Variants in WDHD1 observed in about 807,000 individuals in gnomAD.
WDHD1 encodes WD repeat and HMG-box DNA-binding protein 1.
Under a neutral mutation model 135.4 loss-of-function variants are expected in WDHD1, and 111 were observed. The observed-to-expected ratio is 0.82, with a 90% CI of 0.70 to 0.96. The LOEUF (loss-of-function observed/expected upper bound fraction) is 0.96, where lower values mean the gene tolerates loss of function less well. Among genes scored for constraint, WDHD1 ranks in the 40% least tolerant of loss-of-function variants. The pLI is 0.00. For synonymous variants in WDHD1, 434 were observed against 439.0 expected (o/e 0.99, Z 0.14); for missense variants, 1,351 against 1,336.3 (o/e 1.01, Z -0.17).
chr14:54,941,574 C>T lies in WDHD1; in HGVS notation c.3306G>A (p.Glu1102=), dbSNP rs762595451. The part of the protein sequence containing the change: ...ETENQEEKAK[E]NLNLSKKQKP... ...TCTGCTTTTTAGACAAATTCAGGTT[C>T]TCTTTTGCTTTTTCTTCCTGGTTTT... is the stretch of plus-strand genomic sequence containing the variant. Residue 1102 remains glutamate, a synonymous_variant, in exon 26 of 26, where the codon GAG becomes GAA. Coordinates refer to ENST00000360586, the MANE Select transcript of WDHD1 (RefSeq NM_007086.4). 1 of 1,613,930 alleles carries T rather than the reference C, an allele frequency of 6.2e-7. No homozygotes were observed. The highest frequency in any genetic ancestry group is 1.7e-5 in the Admixed American group (1 of 60,006).
intron 16 of WDHD1, among the ~76,000 whole-genome samples, chr14:54,974,496 T>G (rs571225067): frequency 4.3e-4 from 63 of 147,268 alleles, no homozygotes; most frequent in African/African-American, 1.1e-3. Flanking sequence ...TTGTTTTGTT[T>G]TTTTTTTTTT....
At chr14:54,997,527 T>A (rs17128117) in intron 10 of WDHD1, among the ~76,000 whole-genome samples, 1 of 152,116 alleles carries the variant, frequency 6.6e-6, no homozygotes, top group Middle Eastern at 3.2e-3. Context: ...AATAACTAAG[T>A]GCTATAAGAA....
At chr14:54,988,276 C>T (rs1315763852) in intron 13 of WDHD1, among the ~76,000 whole-genome samples, 1 of 151,354 alleles carries the variant, frequency 6.6e-6, no homozygotes, top group Non-Finnish European at 1.5e-5. Flanking sequence ...TTTAATCCAT[C>T]ATGACAAAAA....
Position 54,991,317 on chromosome 14 carries a change from G to C in WDHD1, c.1237C>G (p.Leu413Val). Residue 413 changes from leucine (L) to valine (V), a missense_variant, in exon 12 of 26, where the codon CTT becomes GTT. This residue lies in a region of WDHD1 where 1,330 missense variants were observed against 1,296.1 expected (regional missense o/e 1.03). Transcript: ENST00000360586. ...GQEGSIHNLP[L>V]VTSQRPFYDG... Reference sequence around the variant, plus strand: ...TAAAATGGCCTTTGGGATGTTACAAGTGGTAGATTGTGAATGCTGCCTTCT... The same window carrying C: ...TAAAATGGCCTTTGGGATGTTACAACTGGTAGATTGTGAATGCTGCCTTCT... 1 of 1,614,122 alleles carries C rather than the reference G, an allele frequency of 6.2e-7. No homozygotes were observed. Among genetic ancestry groups the C allele is most frequent in the Non-Finnish European group, 8.5e-7 (1 of 1,179,968 alleles).
intron 24 of WDHD1, among the ~76,000 whole-genome samples, chr14:54,951,125 G>A (rs1275030589): frequency 1.3e-5 from 2 of 152,094 alleles, no homozygotes; most frequent in Non-Finnish European, 2.9e-5. Context: ...AAAGCTAGCA[G>A]AAGGCAAGAA....
At chr14:54,975,451 G>T (rs893778594) in intron 16 of WDHD1, among the ~76,000 whole-genome samples, 1 of 151,884 alleles carries the variant, frequency 6.6e-6, no homozygotes, top group Non-Finnish European at 1.5e-5. Context: ...AGGTTGAAGC[G>T]ATTCTCTTGC....
intron 10 of WDHD1, among the ~76,000 whole-genome samples, chr14:54,999,441 C>T (rs2041943697): frequency 6.6e-6 from 1 of 152,194 alleles, no homozygotes; most frequent in Non-Finnish European, 1.5e-5. Flanking sequence ...TTCAGCCCCA[C>T]TTCTAGAAGC....
At chr14:54,992,191 C>G (rs998872405) in intron 11 of WDHD1, among the ~76,000 whole-genome samples, 11 of 149,892 alleles carry the variant, frequency 7.3e-5, no homozygotes, top group African/African-American at 2.7e-4. Flanking sequence ...CCGGGAGACT[C>G]CGTCTCAAAA....
intron 11 of WDHD1, among the ~76,000 whole-genome samples, chr14:54,992,318 C>A (rs949968816): frequency 6.6e-6 from 1 of 151,848 alleles, no homozygotes; most frequent in Admixed American, 6.6e-5. Context: ...TAGTGAAACC[C>A]CGTCTCTACT....
At chr14:54,984,137 C>T (rs1007174330) in intron 15 of WDHD1, among the ~76,000 whole-genome samples, 3 of 152,184 alleles carry the variant, frequency 2.0e-5, no homozygotes, top group Admixed American at 2.0e-4. Context: ...CACCTCCTTG[C>T]TATTTAATAC....
Position 54,984,863 on chromosome 14 carries a change from A to C in WDHD1, c.1769-3T>G. 2 of 1,607,942 alleles carry C rather than the reference A, an allele frequency of 1.2e-6. No individual in the cohort carries two copies. The highest frequency in any genetic ancestry group is 1.7e-6 in the Non-Finnish European group (2 of 1,178,310). ...CTGATCCCCATCAAATCCTGTACCTAATGAGAAAATGTAAATATAAATCAG... is the reference window on the plus strand; with the variant it reads ...CTGATCCCCATCAAATCCTGTACCTCATGAGAAAATGTAAATATAAATCAG... On this transcript the variant is annotated splice_region_variant and splice_polypyrimidine_tract_variant and intron_variant, in intron 14 of 25. Transcript: ENST00000360586.
At chr14:54,965,344 A>C (rs866840997) in intron 18 of WDHD1, among the ~76,000 whole-genome samples, 2 of 152,298 alleles carry the variant, frequency 1.3e-5, no homozygotes, top group South Asian at 2.1e-4. Context: ...TCCAAAGATA[A>C]ATGTACTTAA....
At chr14:54,944,616 CTT>C (rs780376690) in intron 24 of WDHD1, 146 bp from the exon 25 acceptor site, 16,931 of 266,530 alleles carry the variant, frequency 0.064, 151 homozygotes, top group African/African-American at 0.14. Flanking sequence ...ATTCATGTTA[CTT>C]TTTTTTTTTT....
rs141843920 is a variant in WDHD1, at chr14:54,957,112, G to T, written c.2838C>A (p.Ser946=). Residue 946 remains serine (S), a synonymous_variant, in exon 23 of 26, where the codon TCC becomes TCA. Coordinates refer to ENST00000360586, the MANE Select transcript of WDHD1 (RefSeq NM_007086.4). The part of the protein sequence containing the change: ...LDNMGKSSKK[S]TALSRTTNNE... ...TATTTGTAGTTCGACTAAGTGCAGTGGATTTCTTGGATGATTTGCCCATAT... is the reference window on the plus strand; with the variant it reads ...TATTTGTAGTTCGACTAAGTGCAGTTGATTTCTTGGATGATTTGCCCATAT... 12 of 1,614,092 alleles carry T rather than the reference G, an allele frequency of 7.4e-6. No individual in the cohort carries two copies. The highest frequency in any genetic ancestry group is 9.3e-6 in the Non-Finnish European group (11 of 1,180,010).
intron 9 of WDHD1, 37 bp downstream of exon 9, chr14:55,000,849 T>A (rs2041968629): frequency 2.8e-6 from 4 of 1,409,576 alleles, no homozygotes; most frequent in Non-Finnish European, 3.8e-6. Context: ...CTAATAGAGA[T>A]GAGCAAAGAA....
chr14:54,970,621 CAAAA>C (rs202021020), intron 16 of WDHD1, among the ~76,000 whole-genome samples: 4 of 130,644 alleles, frequency 3.1e-5, no homozygotes, highest in Non-Finnish European at 3.3e-5. Flanking sequence ...GTCACAGCAC[CAAAA>C]AAAAAAAAAA....
intron 7 of WDHD1, among the ~76,000 whole-genome samples, chr14:55,006,181 A>T (rs984553192): frequency 6.6e-6 from 1 of 152,156 alleles, no homozygotes; most frequent in South Asian, 2.1e-4. Flanking sequence ...TTATATGTGA[A>T]TGTTATCAAA....
chr14:54,976,586 C>T (rs1236279878), intron 16 of WDHD1, among the ~76,000 whole-genome samples: 1 of 152,106 alleles, frequency 6.6e-6, no homozygotes, highest in African/African-American at 2.4e-5. Context: ...TTTTATTCCC[C>T]GAACTTCCAT....
chr14:54,992,040 G>A (rs1042087224), intron 11 of WDHD1, among the ~76,000 whole-genome samples: 1 of 152,144 alleles, frequency 6.6e-6, no homozygotes, highest in Admixed American at 6.5e-5. Flanking sequence ...GATCACTTAA[G>A]GTCGGGAGTT....
Sources: gnomAD v4.1 joint callset for allele counts (sites outside exome capture counted in the v4.1 genomes callset) on GRCh38, gnomAD v4.1.1 for gene constraint, gnomAD v4.1.1 regional missense constraint, MANE v1.5 for transcripts, NCBI Gene and HGNC (gene_info 2026-07-23, HGNC 2026-07-21) for gene names.